Variants in CCDC146 observed in about 807,000 individuals in gnomAD.
CCDC146 encodes coiled-coil domain containing 146.
In CCDC146, 92 loss-of-function variants were observed where a neutral mutation model predicts 119.3. That is an observed-to-expected ratio of 0.77 (90% confidence interval 0.65 to 0.92). CCDC146 has a LOEUF of 0.92. Among genes scored for constraint, CCDC146 ranks in the 40% least tolerant of loss-of-function variants. CCDC146 has a pLI of 0.00. For missense variants in CCDC146, 1,000 were observed against 1,103.0 expected (o/e 0.91, Z 1.32); for synonymous variants, 372 against 371.8 (o/e 1.00, Z -0.01).
intron 1 of CCDC146, among the ~76,000 whole-genome samples, chr7:77,154,014 T>A (rs1235490954): frequency 1.3e-5 from 2 of 151,730 alleles, no homozygotes; most frequent in Non-Finnish European, 2.9e-5. Flanking sequence ...GGATGAATCT[T>A]AAATGCATTA....
intron 1 of CCDC146, among the ~76,000 whole-genome samples, chr7:77,146,997 CAG>C (rs943859262): frequency 2.6e-5 from 4 of 152,166 alleles, no homozygotes; most frequent in African/African-American, 9.7e-5. Flanking sequence ...AAATATCCTG[CAG>C]AGTGTTTTCC....
At chr7:77,156,070 C>T (rs1253483451) in intron 1 of CCDC146, among the ~76,000 whole-genome samples, 1 of 152,088 alleles carries the variant, frequency 6.6e-6, no homozygotes, top group Non-Finnish European at 1.5e-5. Flanking sequence ...CTCTCAGCAC[C>T]CTTCCATCCT....
intron 9 of CCDC146, among the ~76,000 whole-genome samples, chr7:77,266,684 C>G (rs1363642635): frequency 6.6e-6 from 1 of 151,130 alleles, no homozygotes; most frequent in Non-Finnish European, 1.5e-5. Context: ...AAATGCCTCT[C>G]AGTACCCACT....
intron 2 of CCDC146, among the ~76,000 whole-genome samples, chr7:77,206,812 A>G (rs1425149483): frequency 5.3e-5 from 8 of 151,812 alleles, no homozygotes; most frequent in African/African-American, 1.9e-4. Context: ...TAAATTTAAT[A>G]ATAATGTATA....
intron 2 of CCDC146, among the ~76,000 whole-genome samples, chr7:77,230,494 A>ATGTATGTG (rs1554354639): frequency 6.7e-6 from 1 of 149,232 alleles, no homozygotes; most frequent in Non-Finnish European, 1.5e-5. Context: ...GTTGACAGGT[A>ATGTATGTG]TGTGTGTGTG....
chr7:77,135,278 A>G (rs1790845715), intron 1 of CCDC146, among the ~76,000 whole-genome samples: 2 of 152,206 alleles, frequency 1.3e-5, no homozygotes, highest in African/African-American at 4.8e-5. Flanking sequence ...ATTTAAGCCC[A>G]GGAGTTTGAG....
rs183035124 is a variant in CCDC146 at position 77,146,659 on chromosome 7, T to C, written c.-11-20999T>C. The stretch of plus-strand genomic sequence containing the variant: ...GTCTGTAAAGTATTTTATTTCTCCT[T>C]CACTTATGAAGCTTAGTTTGGCTGG... On this transcript the variant is annotated intron_variant, in intron 1 of 18. Transcript: ENST00000285871. Among the ~76,000 whole-genome samples the C allele has an allele frequency of 3.9e-3, 600 of 152,018 alleles. 3 individuals are homozygous for C. The highest frequency in any genetic ancestry group is 0.013 in the African/African-American group (560 of 41,538).
chr7:77,191,067 T>C (rs780474317), intron 2 of CCDC146, among the ~76,000 whole-genome samples: 1 of 152,120 alleles, frequency 6.6e-6, no homozygotes, highest in African/African-American at 2.4e-5. Context: ...CCCAGTCCTA[T>C]AGTATACAGT....
chr7:77,283,428 A>AAAAT (rs775647098), intron 15 of CCDC146, among the ~76,000 whole-genome samples: 1 of 152,212 alleles, frequency 6.6e-6, no homozygotes, highest in Non-Finnish European at 1.5e-5. Context: ...TTTAAAAATT[A>AAAAT]AAATAAAAAC....
chr7:77,127,856 C>T (rs71540937), intron 1 of CCDC146, among the ~76,000 whole-genome samples: 2 of 151,992 alleles, frequency 1.3e-5, no homozygotes, highest in African/African-American at 4.8e-5. Flanking sequence ...TTCATCTTTT[C>T]GTATTTCATT....
intron 2 of CCDC146, among the ~76,000 whole-genome samples, chr7:77,223,387 C>G (rs917755544): frequency 2.0e-5 from 3 of 152,232 alleles, no homozygotes; most frequent in African/African-American, 7.2e-5. Flanking sequence ...CGCATTTGCT[C>G]TCTTAACTCT....
At chr7:77,261,987 G>A in intron 8 of CCDC146, 134 bp from the exon 9 acceptor site, 1 of 660,494 alleles carries the variant, frequency 1.5e-6, no homozygotes, top group South Asian at 2.1e-5. Context: ...GGGTCAAACG[G>A]TAGTTCTGTT....
chr7:77,212,379 T>C (rs1484502093), intron 2 of CCDC146, among the ~76,000 whole-genome samples: 2 of 152,064 alleles, frequency 1.3e-5, no homozygotes, highest in Admixed American at 1.3e-4. Context: ...CCCAGCACTT[T>C]AGGAGGCCGA....
chr7:77,292,156 T>C (rs1483719051), intron 17 of CCDC146, among the ~76,000 whole-genome samples: 1 of 151,858 alleles, frequency 6.6e-6, no homozygotes, highest in Non-Finnish European at 1.5e-5. Context: ...TAGCCAACTA[T>C]GGTGGTGCAT....
At position 77,250,828 on chromosome 7, in the gene CCDC146, CTTTT is replaced by C. The variant is rs145334670; in HGVS notation, c.450-3665_450-3662del. ...TTGGATATTCTGGTATTTTCCTAGTCTTTTTTTTTTTTTTTTCCAGTTTGGGTAG... is the reference window on the plus strand; with the variant it reads ...TTGGATATTCTGGTATTTTCCTAGTCTTTTTTTTTTTTCCAGTTTGGGTAG... On this transcript the variant is annotated intron_variant, in intron 4 of 18. Transcript: ENST00000285871. 3.0e-5 allele frequency among the ~76,000 whole-genome samples: 4 copies of C among 133,228 alleles called. 1 individual carries two copies. The highest frequency in any genetic ancestry group is 4.4e-4 in the East Asian group (2 of 4,516). The allele number at this position is 133,228 out of a possible 152,430, so 87.4% of individuals were successfully genotyped here.
chr7:77,134,563 CTG>C (rs1554345524), intron 1 of CCDC146, among the ~76,000 whole-genome samples: 42,771 of 139,064 alleles, frequency 0.31, 6,662 homozygotes, highest in South Asian at 0.53. Flanking sequence ...GTGTGTGTGT[CTG>C]TGTGTGTGTG....
intron 2 of CCDC146, among the ~76,000 whole-genome samples, chr7:77,217,105 A>C (rs1268057308): frequency 1.3e-5 from 2 of 152,138 alleles, no homozygotes; most frequent in African/African-American, 4.8e-5. Context: ...CTTTTCATTA[A>C]ATTATCAAAG....
chr7:77,151,121 A>C (rs1390166842), intron 1 of CCDC146, among the ~76,000 whole-genome samples: 1 of 152,152 alleles, frequency 6.6e-6, no homozygotes, highest in Non-Finnish European at 1.5e-5. Context: ...GCAGACTGCC[A>C]ACTTCTCATT....
intron 2 of CCDC146, among the ~76,000 whole-genome samples, chr7:77,219,860 C>T (rs1020002750): frequency 2.3e-4 from 35 of 152,076 alleles, no homozygotes; most frequent in Admixed American, 5.9e-4. Context: ...ACAGAGATCA[C>T]ATGCTTCAAA....
Sources: allele counts gnomAD v4.1 joint callset (sites outside exome capture counted in the v4.1 genomes callset), GRCh38; gene constraint gnomAD v4.1.1; transcripts MANE v1.5; gene names NCBI Gene and HGNC (gene_info 2026-07-23, HGNC 2026-07-21).